Variants in ELMOD1 observed in about 807,000 individuals in gnomAD.
ELMOD1 encodes the protein ELMO domain containing 1, also known as ELMO domain-containing protein 1.
In ELMOD1, 21 loss-of-function variants were observed where a neutral mutation model predicts 46.7. The ratio of observed to expected loss-of-function variants is 0.45; its 90% CI spans 0.32 to 0.65. The LOEUF is 0.65. Among genes scored for constraint, ELMOD1 ranks in the 30% least tolerant of loss-of-function variants. ELMOD1 has a pLI of 0.04. For synonymous variants in ELMOD1, 122 were observed against 138.2 expected, an observed-to-expected ratio of 0.88 and a Z score of 0.82; for missense variants, 348 against 407.8, an observed-to-expected ratio of 0.85 and a Z score of 1.26.
Position 107,627,025 on chromosome 11 carries a change from G to A in ELMOD1, c.18-3392G>A, listed in dbSNP as rs987537020. On this transcript the variant is annotated intron_variant, in intron 2 of 11. Transcript: ENST00000265840. ...ATGTTTCCATCTCTGACCATGACCT[G>A]CCTGGACCAGGTTTATAACCTAGAC... Among the ~76,000 whole-genome samples, 3 of 152,250 alleles carry A rather than the reference G, an allele frequency of 2.0e-5. 1 individual carries two copies. Among genetic ancestry groups the A allele is most frequent in the Admixed American group, 1.3e-4 (2 of 15,292 alleles).
At chr11:107,599,759 A>G (rs1325118932) in intron 1 of ELMOD1, among the ~76,000 whole-genome samples, 1 of 148,720 alleles carries the variant, frequency 6.7e-6, no homozygotes, top group Non-Finnish European at 1.5e-5. Flanking sequence ...AAAGAAAAAA[A>G]GAAAAGAAAA....
intron 1 of ELMOD1, among the ~76,000 whole-genome samples, chr11:107,607,459 C>T (rs554927888): frequency 6.6e-6 from 1 of 152,200 alleles, no homozygotes; most frequent in African/African-American, 2.4e-5. Context: ...AGTTCAAGAC[C>T]AGCCTGGGCA....
At chr11:107,642,689 G>C (rs1179256235) in intron 6 of ELMOD1, among the ~76,000 whole-genome samples, 1 of 152,136 alleles carries the variant, frequency 6.6e-6, no homozygotes, top group Non-Finnish European at 1.5e-5. Flanking sequence ...TAAAAATAAT[G>C]AGTGCCACAC....
At chr11:107,602,047 G>T (rs1865609263) in intron 1 of ELMOD1, among the ~76,000 whole-genome samples, 1 of 152,076 alleles carries the variant, frequency 6.6e-6, no homozygotes, top group South Asian at 2.1e-4. Context: ...TTCCAGAAAA[G>T]GCATACTTGA....
intron 1 of ELMOD1, among the ~76,000 whole-genome samples, chr11:107,596,284 T>G (rs1865491690): frequency 6.6e-6 from 1 of 152,086 alleles, no homozygotes; most frequent in Non-Finnish European, 1.5e-5. Context: ...TCACAGCTGT[T>G]TTTTGACTTA....
chr11:107,605,088 A>G (rs1304924111), intron 1 of ELMOD1, among the ~76,000 whole-genome samples: 2 of 152,206 alleles, frequency 1.3e-5, no homozygotes, highest in African/African-American at 4.8e-5. Flanking sequence ...AAAATATAAC[A>G]TTGAGAATTT....
intron 1 of ELMOD1, among the ~76,000 whole-genome samples, chr11:107,612,369 G>A (rs981840126): frequency 2.6e-5 from 4 of 152,152 alleles, no homozygotes; most frequent in Non-Finnish European, 5.9e-5. Flanking sequence ...TGGGAGGGAG[G>A]AGGGGAGCAA....
Position 107,611,256 on chromosome 11 carries a change from C to A in ELMOD1, c.-85-6849C>A, listed in dbSNP as rs552491135. On this transcript the variant is annotated intron_variant, in intron 1 of 11. Transcript: ENST00000265840. ...CAGGCTTAATTAAACTAAAGAACTT[C>A]TGCATGGCAAAAGAAATTATTGACA... Among the ~76,000 whole-genome samples the A allele has an allele frequency of 2.0e-5, 3 of 152,224 alleles. No homozygotes were observed. In the East Asian group the frequency reaches 5.8e-4, roughly 29 times the overall value.
intron 1 of ELMOD1, among the ~76,000 whole-genome samples, chr11:107,600,219 T>G (rs953530229): frequency 1.3e-5 from 2 of 152,196 alleles, no homozygotes; most frequent in Non-Finnish European, 2.9e-5. Context: ...TTATAAATAC[T>G]TCAGTATGTA....
chr11:107,617,765 G>T (rs1865886690), intron 1 of ELMOD1, among the ~76,000 whole-genome samples: 1 of 152,090 alleles, frequency 6.6e-6, no homozygotes, highest in African/African-American at 2.4e-5. Context: ...AATCCAGTTG[G>T]TTAATTTTAT....
chr11:107,628,758 T>C (rs1439578653), intron 2 of ELMOD1, among the ~76,000 whole-genome samples: 1 of 151,674 alleles, frequency 6.6e-6, no homozygotes, highest in Non-Finnish European at 1.5e-5. Context: ...ATTTTAGTTA[T>C]AATTTTCATT....
At chr11:107,664,519 G>A (rs1168500635) in intron 11 of ELMOD1, among the ~76,000 whole-genome samples, 1 of 152,216 alleles carries the variant, frequency 6.6e-6, no homozygotes, top group East Asian at 1.9e-4. Flanking sequence ...CGACCAGTCT[G>A]TGTTGTTCAG....
At chr11:107,659,966 A>G (rs1866705356) in intron 11 of ELMOD1, among the ~76,000 whole-genome samples, 1 of 152,122 alleles carries the variant, frequency 6.6e-6, no homozygotes, top group Admixed American at 6.5e-5. Context: ...CCAGATGAGC[A>G]AGTATGCAAT....
intron 10 of ELMOD1, among the ~76,000 whole-genome samples, chr11:107,654,768 C>CAAAAAA (rs945140722): frequency 1.5e-5 from 1 of 66,932 alleles, no homozygotes; most frequent in Non-Finnish European, 3.2e-5. Context: ...GACTCCGTCT[C>CAAAAAA]AAAAAAAAAA....
Position 107,665,035 on chromosome 11 carries a change from G to C in ELMOD1, c.843G>C (p.Met281Ile). The C allele has an allele frequency of 6.2e-7, 1 of 1,612,704 alleles. No individual in the cohort carries two copies. The highest frequency in any genetic ancestry group is 1.3e-5 in the African/African-American group (1 of 74,872). ...TATTGTCTCCAACAGGCTATTTGAT[G>C]CATGAATTTCATAAGTTTTGGATCG... ...SHFQQTFCYL[M>I]HEFHKFWIEE... The change falls in exon 12 of 12, where the codon ATG becomes ATC. Residue 281 changes from methionine (M) to isoleucine (I), a missense_variant. Coordinates refer to ENST00000265840, the MANE Select transcript of ELMOD1 (RefSeq NM_018712.4).
At chr11:107,614,999 T>C (rs903908183) in intron 1 of ELMOD1, among the ~76,000 whole-genome samples, 1 of 152,134 alleles carries the variant, frequency 6.6e-6, no homozygotes, top group Non-Finnish European at 1.5e-5. Context: ...AAGTCCCTGT[T>C]TGTTTCTCTG....
chr11:107,663,011 G>A (rs1866770420), intron 11 of ELMOD1, among the ~76,000 whole-genome samples: 1 of 152,000 alleles, frequency 6.6e-6, no homozygotes, highest in Non-Finnish European at 1.5e-5. Flanking sequence ...TTACAGGTGT[G>A]AGCCACAGTG....
At chr11:107,597,255 T>C (rs1237904296) in intron 1 of ELMOD1, among the ~76,000 whole-genome samples, 3 of 152,208 alleles carry the variant, frequency 2.0e-5, no homozygotes, top group African/African-American at 4.8e-5. Context: ...ACTAAGATTA[T>C]ATTTTAAAAG....
chr11:107,660,196 T>C (rs1420984552), intron 11 of ELMOD1, among the ~76,000 whole-genome samples: 1 of 152,132 alleles, frequency 6.6e-6, no homozygotes, highest in Non-Finnish European at 1.5e-5. Flanking sequence ...TGCTCTCTAC[T>C]AACCAAATGC....
Sources: gnomAD v4.1 joint callset for allele counts (sites outside exome capture counted in the v4.1 genomes callset) on GRCh38, gnomAD v4.1.1 for gene constraint, MANE v1.5 for transcripts, NCBI Gene and HGNC (gene_info 2026-07-23, HGNC 2026-07-21) for gene names.